Variants in JPH3 observed in about 807,000 individuals in gnomAD.
JPH3 encodes the protein junctophilin-3.
A neutral mutation model predicts 59.6 loss-of-function variants in JPH3; 11 were observed. That is an observed-to-expected ratio of 0.18 (90% CI 0.12 to 0.31). The LOEUF is 0.31. Ranked by LOEUF, JPH3 falls within the 10% of genes least tolerant of loss-of-function variation. JPH3 has a pLI of 1.00. For missense variants in JPH3, 1,202 were observed against 1,105.7 expected (o/e 1.09, Z -1.24); for synonymous variants, 673 against 483.6 (o/e 1.39, Z -5.14).
At chr16:87,678,840 A>G (rs1278283903) in intron 2 of JPH3, among the ~76,000 whole-genome samples, 1 of 152,198 alleles carries the variant, frequency 6.6e-6, no homozygotes, top group African/African-American at 2.4e-5. Flanking sequence ...TAAGGCCACC[A>G]CGAGCCTGGG....
chr16:87,658,250 G>C (rs1247913081), intron 2 of JPH3, among the ~76,000 whole-genome samples: 2 of 152,182 alleles, frequency 1.3e-5, no homozygotes, highest in Non-Finnish European at 2.9e-5. Flanking sequence ...CACGGCATTT[G>C]CACCCCAGCT....
At chr16:87,670,780 G>A (rs761593324) in intron 2 of JPH3, among the ~76,000 whole-genome samples, 17 of 152,206 alleles carry the variant, frequency 1.1e-4, no homozygotes, top group Non-Finnish European at 2.2e-4. Context: ...AGGCCCTGTC[G>A]TTGGTTTGTG....
intron 2 of JPH3, among the ~76,000 whole-genome samples, chr16:87,650,345 G>A (rs1007769933): frequency 6.6e-6 from 1 of 152,140 alleles, no homozygotes; most frequent in African/African-American, 2.4e-5. Context: ...TCTGTGTTCT[G>A]ACCAATCCTC....
intron 2 of JPH3, chr16:87,654,469 C>T (rs1176793815): frequency 1.3e-5 from 2 of 152,232 alleles, no homozygotes; most frequent in Admixed American, 6.5e-5. Flanking sequence ...AAGATGAACA[C>T]CTCTTTGTGG....
At chr16:87,695,540 G>A in intron 4 of JPH3, 1 of 454,734 alleles carries the variant, frequency 2.2e-6, no homozygotes, top group Non-Finnish European at 4.4e-6. Context: ...GGTGGGGGTG[G>A]GGAGAGGCAG....
intron 1 of JPH3, among the ~76,000 whole-genome samples, chr16:87,629,867 G>C (rs2031506416): frequency 6.6e-6 from 1 of 152,190 alleles, no homozygotes; most frequent in Admixed American, 6.5e-5. Flanking sequence ...AATTGCGACA[G>C]ATGTACCACA....
At chr16:87,643,531 C>A (rs1485410788) in intron 1 of JPH3, among the ~76,000 whole-genome samples, 1 of 152,216 alleles carries the variant, frequency 6.6e-6, no homozygotes, top group Non-Finnish European at 1.5e-5. Context: ...CTCACTGTCT[C>A]CCAGAGCAGC....
chr16:87,620,608 C>G (rs569400164), intron 1 of JPH3, among the ~76,000 whole-genome samples: 4 of 152,244 alleles, frequency 2.6e-5, no homozygotes, highest in African/African-American at 9.6e-5. Context: ...TTCCTCGCCC[C>G]TCCCTTCCAG....
chr16:87,617,169 G>T (rs1331847622), intron 1 of JPH3, among the ~76,000 whole-genome samples: 1 of 149,740 alleles, frequency 6.7e-6, no homozygotes, highest in Non-Finnish European at 1.5e-5. Flanking sequence ...GTTGCAGTGA[G>T]CCGAGATTGC....
chr16:87,612,748 G>A (rs1003921352), intron 1 of JPH3, among the ~76,000 whole-genome samples: 2 of 152,300 alleles, frequency 1.3e-5, no homozygotes, highest in Non-Finnish European at 1.5e-5. Flanking sequence ...GGGCGTGGTG[G>A]CTCATGCCTG....
chr16:87,693,524 A>G (rs1406755752), intron 4 of JPH3: 2 of 152,180 alleles, frequency 1.3e-5, no homozygotes, highest in African/African-American at 4.8e-5. Context: ...AAAATACAAA[A>G]ATTAGCCGGG....
intron 1 of JPH3, among the ~76,000 whole-genome samples, chr16:87,628,270 G>T (rs945078864): frequency 4.3e-4 from 65 of 152,358 alleles, no homozygotes; most frequent in Admixed American, 4.0e-3. Context: ...GGAGCAGCAG[G>T]ACCCTTCCAC....
At chr16:87,644,193 C>T in intron 1 of JPH3, 65 bp from the exon 2 acceptor site, 7 of 1,503,916 alleles carry the variant, frequency 4.7e-6, no homozygotes, top group Non-Finnish European at 5.4e-6. Context: ...TCAACCCTGT[C>T]CGTGGCCAGG....
chr16:87,604,961 TG>T (rs1454370221), intron 1 of JPH3: 1 of 453,796 alleles, frequency 2.2e-6, no homozygotes, highest in Non-Finnish European at 4.4e-6. Flanking sequence ...GGTGCTCCCT[TG>T]GTTCCAGGCT....
chr16:87,641,216 A>T (rs950417961), intron 1 of JPH3, among the ~76,000 whole-genome samples: 2 of 152,118 alleles, frequency 1.3e-5, no homozygotes, highest in African/African-American at 4.8e-5. Flanking sequence ...TCCGGTCCAC[A>T]TACATCCCTG....
chr16:87,602,534 A>ACGCCGCCGCCGCCACCGCCGC lies in JPH3; in HGVS notation c.-602_-582dup, dbSNP rs1220925118. On this transcript the variant is annotated 5_prime_UTR_variant, in exon 1 of 5. Transcript: ENST00000284262. ...AGCGCGCGAGCCGGGCCCGGAGCGC[A>ACGCCGCCGCCGCCACCGCCGC]CGCCGCCGCCGCCACCGCCGCCGCC... 7.6e-6 allele frequency among the ~76,000 whole-genome samples: 1 copy of ACGCCGCCGCCGCCACCGCCGC among 132,194 alleles called. No individual in the cohort carries two copies. Among genetic ancestry groups the ACGCCGCCGCCGCCACCGCCGC allele is most frequent in the Non-Finnish European group, 1.6e-5 (1 of 61,494 alleles). The allele number at this position is 132,194 out of a possible 152,430, so 86.7% of individuals were successfully genotyped here.
intron 1 of JPH3, among the ~76,000 whole-genome samples, chr16:87,636,171 G>T (rs1367695665): frequency 6.6e-6 from 1 of 152,192 alleles, no homozygotes; most frequent in African/African-American, 2.4e-5. Flanking sequence ...GGAATCAGCG[G>T]CTTGGGTTTG....
At chr16:87,606,681 C>T (rs150823492) in intron 1 of JPH3, among the ~76,000 whole-genome samples, 10 of 152,222 alleles carry the variant, frequency 6.6e-5, no homozygotes, top group East Asian at 1.9e-4. Flanking sequence ...GAATGGTGTG[C>T]GTGGCTATGC....
intron 2 of JPH3, among the ~76,000 whole-genome samples, chr16:87,647,923 G>A (rs1375719591): frequency 6.6e-6 from 1 of 152,256 alleles, no homozygotes; most frequent in Non-Finnish European, 1.5e-5. Flanking sequence ...AGCCTGGGCT[G>A]TCGTGGCTGA....
Sources: allele counts gnomAD v4.1 joint callset (sites outside exome capture counted in the v4.1 genomes callset), GRCh38; gene constraint gnomAD v4.1.1; transcripts MANE v1.5; gene names NCBI Gene and HGNC (gene_info 2026-07-23, HGNC 2026-07-21).